The following TENM4 variants were observed in gnomAD, a reference collection of about 807,000 sequenced individuals.
TENM4 encodes teneurin transmembrane protein 4.
A neutral mutation model predicts 243.3 loss-of-function variants in TENM4; 82 were observed. The ratio of observed to expected loss-of-function variants is 0.34; its 90% confidence interval spans 0.28 to 0.40. TENM4 has a LOEUF of 0.40. Ranked by LOEUF, TENM4 falls within the 10% of genes least tolerant of loss-of-function variation. TENM4 has a pLI of 1.00. For synonymous variants in TENM4, 1,412 were observed against 1,456.3 expected (o/e 0.97, Z 0.69); for missense variants, 3,138 against 3,673.3 (o/e 0.85, Z 3.77).
At chr11:79,164,528 AC>A (rs1359873233) in intron 3 of TENM4, among the ~76,000 whole-genome samples, 1 of 122,362 alleles carries the variant, frequency 8.2e-6, no homozygotes, top group South Asian at 3.0e-4. Context: ...CTATATATAT[AC>A]TATATAGTAC....
At chr11:78,714,578 C>CA (rs1859480068) in intron 25 of TENM4, among the ~76,000 whole-genome samples, 1 of 152,212 alleles carries the variant, frequency 6.6e-6, no homozygotes, top group Admixed American at 6.5e-5. Context: ...CCTGCCATTT[C>CA]AATGCTTTCC....
intron 1 of TENM4, among the ~76,000 whole-genome samples, chr11:79,359,345 A>G (rs1275507035): frequency 6.6e-6 from 1 of 152,240 alleles, no homozygotes; most frequent in Non-Finnish European, 1.5e-5. Context: ...AACTGATGCT[A>G]TTAAGGAATT....
chr11:79,348,712 A>T (rs369330960), intron 1 of TENM4, among the ~76,000 whole-genome samples: 2 of 152,144 alleles, frequency 1.3e-5, no homozygotes, highest in East Asian at 3.9e-4. Context: ...TTGATCTTGG[A>T]CTTCCAACCT....
chr11:78,997,625 C>T (rs1858208701), intron 6 of TENM4, among the ~76,000 whole-genome samples: 1 of 152,134 alleles, frequency 6.6e-6, no homozygotes, highest in Non-Finnish European at 1.5e-5. Flanking sequence ...CTTCAGCATC[C>T]ACAGCTGGAA....
chr11:79,427,015 C>T (rs186311505), intron 1 of TENM4, among the ~76,000 whole-genome samples: 41 of 152,288 alleles, frequency 2.7e-4, no homozygotes, highest in African/African-American at 8.4e-4. Flanking sequence ...CAGTTCAGCA[C>T]ACATGAACCA....
intron 1 of TENM4, among the ~76,000 whole-genome samples, chr11:79,408,863 G>A (rs921027680): frequency 6.6e-6 from 1 of 152,218 alleles, no homozygotes; most frequent in African/African-American, 2.4e-5. Flanking sequence ...AGAAGGACTT[G>A]TAGGCAAAAT....
intron 19 of TENM4, among the ~76,000 whole-genome samples, chr11:78,746,948 G>A (rs1391250638): frequency 1.3e-5 from 2 of 152,164 alleles, no homozygotes; most frequent in East Asian, 3.8e-4. Context: ...TCAGGGACAG[G>A]GCAGGTCCTG....
At chr11:78,995,562 G>C (rs11237677) in intron 6 of TENM4, among the ~76,000 whole-genome samples, 1 of 152,072 alleles carries the variant, frequency 6.6e-6, no homozygotes, top group Non-Finnish European at 1.5e-5. Context: ...AAATGCTATG[G>C]GTCAAAATCT....
At chr11:78,928,419 C>T (rs1218130457) in intron 6 of TENM4, among the ~76,000 whole-genome samples, 1 of 152,180 alleles carries the variant, frequency 6.6e-6, no homozygotes, top group Admixed American at 6.5e-5. Flanking sequence ...AAGGTAACAA[C>T]TCTCAATATT....
intron 6 of TENM4, among the ~76,000 whole-genome samples, chr11:78,920,495 T>C (rs1313932051): frequency 6.6e-6 from 1 of 152,196 alleles, no homozygotes; most frequent in African/African-American, 2.4e-5. Context: ...AGGCATCCTC[T>C]GGGTAACAGT....
intron 7 of TENM4, among the ~76,000 whole-genome samples, chr11:78,900,589 C>G (rs554918519): frequency 6.6e-6 from 1 of 152,298 alleles, no homozygotes; most frequent in African/African-American, 2.4e-5. Flanking sequence ...TTTCTAAATG[C>G]TAGGCACTGT....
intron 12 of TENM4, among the ~76,000 whole-genome samples, chr11:78,826,317 C>T (rs1857850240): frequency 6.6e-6 from 1 of 151,988 alleles, no homozygotes; most frequent in Admixed American, 6.6e-5. Context: ...GAACTCCTGA[C>T]CTTAGGTGAT....
At chr11:79,388,539 C>T (rs1048576750) in intron 1 of TENM4, among the ~76,000 whole-genome samples, 4 of 152,308 alleles carry the variant, frequency 2.6e-5, no homozygotes, top group African/African-American at 7.2e-5. Flanking sequence ...TCATTCCCAC[C>T]CCCACTAGAT....
chr11:78,710,168 G>A (rs187381286), intron 26 of TENM4, among the ~76,000 whole-genome samples: 134 of 152,324 alleles, frequency 8.8e-4, no homozygotes, highest in East Asian at 3.9e-4. Context: ...TTTTCTGGTC[G>A]TATTAACTTG....
At position 78,756,788 on chromosome 11, in the gene TENM4, G is replaced by A. The variant is rs1452439018; in HGVS notation, c.2756+17C>T. The A allele has an allele frequency of 6.2e-7, 1 of 1,605,348 alleles. No individual in the cohort carries two copies. The highest frequency in any genetic ancestry group is 2.2e-5 in the East Asian group (1 of 44,628). On this transcript the variant is annotated intron_variant, in intron 19 of 33. Coordinates refer to ENST00000278550, the MANE Select transcript of TENM4 (RefSeq NM_001098816.3). The stretch of plus-strand genomic sequence containing the variant: ...CCCTCAGAGAGCCCTGGCTGGAGCT[G>A]GGGCCCTCGGACTCACCCTCCATCA...
At chr11:78,722,040 G>A (rs1855397262) in intron 24 of TENM4, among the ~76,000 whole-genome samples, 2 of 152,142 alleles carry the variant, frequency 1.3e-5, no homozygotes, top group South Asian at 4.1e-4. Flanking sequence ...AGCTGCTTCT[G>A]CAGCACCTGA....
chr11:79,139,111 T>C (rs1862204203), intron 4 of TENM4, among the ~76,000 whole-genome samples: 1 of 47,278 alleles, frequency 2.1e-5, no homozygotes, highest in South Asian at 1.0e-3. Context: ...AAATATATAT[T>C]ATATTTCTAT....
intron 1 of TENM4, among the ~76,000 whole-genome samples, chr11:79,436,086 G>A (rs1859266473): frequency 6.6e-6 from 1 of 152,182 alleles, no homozygotes; most frequent in African/African-American, 2.4e-5. Context: ...AACAAATGCA[G>A]GATGCTTCCT....
At chr11:79,006,159 CATA>C (rs1858479194) in intron 6 of TENM4, among the ~76,000 whole-genome samples, 1 of 152,156 alleles carries the variant, frequency 6.6e-6, no homozygotes, top group African/African-American at 2.4e-5. Flanking sequence ...TTGAGGCAGT[CATA>C]ATGTTTTCCT....
Sources: allele counts gnomAD v4.1 joint callset (sites outside exome capture counted in the v4.1 genomes callset), GRCh38; gene constraint gnomAD v4.1.1; transcripts MANE v1.5; gene names NCBI Gene and HGNC (gene_info 2026-07-23, HGNC 2026-07-21).